The following DAB1 variants were observed in gnomAD, a reference collection of about 807,000 sequenced individuals.
DAB1 encodes DAB adaptor protein 1.
In DAB1, 15 loss-of-function variants were observed where a neutral mutation model predicts 64.6. That is an observed-to-expected ratio of 0.23 (90% CI 0.16 to 0.36). The LOEUF is 0.36. Among genes scored for constraint, DAB1 ranks in the 10% least tolerant of loss-of-function variants. DAB1 has a pLI of 1.00. For missense variants in DAB1, 596 were observed against 706.7 expected (o/e 0.84, Z 1.78); for synonymous variants, 235 against 251.9 (o/e 0.93, Z 0.64).
At chr1:57,924,952 T>G (rs190110404) in intron 5 of DAB1, among the ~76,000 whole-genome samples, 13 of 152,306 alleles carry the variant, frequency 8.5e-5, no homozygotes, top group Admixed American at 2.6e-4. Flanking sequence ...TTAATAGTAT[T>G]TGTATTGGAT....
At chr1:58,003,740 T>G (rs1341933184) in intron 5 of DAB1, among the ~76,000 whole-genome samples, 1 of 152,180 alleles carries the variant, frequency 6.6e-6, no homozygotes, top group Admixed American at 6.5e-5. Flanking sequence ...GTGGGAAATA[T>G]TGTTGGTCAT....
intron 7 of DAB1, among the ~76,000 whole-genome samples, chr1:57,578,937 A>G (rs1248255098): frequency 1.3e-5 from 2 of 152,196 alleles, no homozygotes; most frequent in Admixed American, 6.5e-5. Flanking sequence ...TGAATACATG[A>G]ATAATTTGCT....
chr1:57,562,185 C>T (rs2101508187), intron 7 of DAB1, among the ~76,000 whole-genome samples: 1 of 152,256 alleles, frequency 6.6e-6, no homozygotes, highest in Non-Finnish European at 1.5e-5. Flanking sequence ...CCAGCCTGGC[C>T]AACATGATGA....
upstream of DAB1, among the ~76,000 whole-genome samples, chr1:57,887,057 T>C (rs748524723): frequency 2.0e-5 from 3 of 152,152 alleles, no homozygotes; most frequent in Non-Finnish European, 4.4e-5. Context: ...TCCCTCTGCC[T>C]TTACTGCCTC....
chr1:58,396,610 G>A (rs1481963155), intron 3 of DAB1, among the ~76,000 whole-genome samples: 4 of 152,184 alleles, frequency 2.6e-5, no homozygotes, highest in Admixed American at 6.5e-5. Context: ...CCAGCATGCA[G>A]AGACAAAGAG....
chr1:57,382,008 T>C (rs1681420157), intron 1 of DAB1, among the ~76,000 whole-genome samples: 1 of 152,122 alleles, frequency 6.6e-6, no homozygotes, highest in Non-Finnish European at 1.5e-5. Context: ...GTGGCTTGTT[T>C]GTTTGTATAT....
chr1:58,244,634 C>T (rs1660450721), intron 4 of DAB1, among the ~76,000 whole-genome samples: 2 of 152,152 alleles, frequency 1.3e-5, no homozygotes, highest in Admixed American at 6.5e-5. Context: ...TGAGTTTATA[C>T]CCAAGCTCTG....
chr1:57,800,725 C>A (rs1230547922), intron 6 of DAB1, among the ~76,000 whole-genome samples: 3 of 152,196 alleles, frequency 2.0e-5, no homozygotes, highest in Non-Finnish European at 2.9e-5. Context: ...TTCACCCCCA[C>A]CCCAAATCCC....
chr1:58,334,174 A>G (rs1015493596), intron 4 of DAB1, among the ~76,000 whole-genome samples: 2 of 152,258 alleles, frequency 1.3e-5, no homozygotes, highest in African/African-American at 4.8e-5. Flanking sequence ...GTCATATCCA[A>G]TCAGGAGTTT....
At chr1:57,421,897 G>T (rs1295828854) in intron 1 of DAB1, among the ~76,000 whole-genome samples, 1 of 119,014 alleles carries the variant, frequency 8.4e-6, no homozygotes, top group Non-Finnish European at 1.9e-5. Context: ...AGAGATGGGG[G>T]GTGGCGGGGG....
At chr1:57,857,194 G>A (rs1055500304) in intron 1 of DAB1, among the ~76,000 whole-genome samples, 6 of 152,088 alleles carry the variant, frequency 3.9e-5, no homozygotes, top group Admixed American at 3.3e-4. Context: ...AATAATGTGA[G>A]AGAAACAAAA....
intron 3 of DAB1, among the ~76,000 whole-genome samples, chr1:58,386,131 A>C (rs1644430396): frequency 6.6e-6 from 1 of 152,190 alleles, no homozygotes. Context: ...CAGAGGGCCA[A>C]AGAGTTAGGT....
intron 8 of DAB1, among the ~76,000 whole-genome samples, chr1:57,068,022 C>T (rs1031730508): frequency 3.3e-5 from 5 of 152,184 alleles, no homozygotes; most frequent in Non-Finnish European, 4.4e-5. Flanking sequence ...TAAAGCAGGT[C>T]TTTCCAGTAC....
intron 14 of DAB1, among the ~76,000 whole-genome samples, chr1:57,009,716 C>T (rs1646205577): frequency 6.6e-6 from 1 of 152,170 alleles, no homozygotes; most frequent in Admixed American, 6.5e-5. Flanking sequence ...GAAAATTGAA[C>T]ACGTTTGTCA....
chr1:58,347,390 G>A (rs143976806), intron 3 of DAB1, among the ~76,000 whole-genome samples: 3 of 152,326 alleles, frequency 2.0e-5, no homozygotes, highest in East Asian at 1.9e-4. Flanking sequence ...GCAGGCATGC[G>A]TGACTGCACC....
chr1:57,109,188 G>A (rs1353380891), intron 4 of DAB1, among the ~76,000 whole-genome samples: 1 of 152,172 alleles, frequency 6.6e-6, no homozygotes, highest in Non-Finnish European at 1.5e-5. Flanking sequence ...TACCCAGCAA[G>A]CCCCAGACCT....
intron 1 of DAB1, among the ~76,000 whole-genome samples, chr1:57,395,640 C>A (rs751596861): frequency 2.4e-4 from 36 of 152,168 alleles, no homozygotes; most frequent in Admixed American, 1.0e-3. Flanking sequence ...CTCCTAGTCA[C>A]GTGAAGCTAC....
At chr1:57,100,185 T>C (rs1654538966) in intron 4 of DAB1, among the ~76,000 whole-genome samples, 1 of 152,136 alleles carries the variant, frequency 6.6e-6, no homozygotes, top group Non-Finnish European at 1.5e-5. Flanking sequence ...AAAATGAAGA[T>C]AAAAATAGAA....
intron 3 of DAB1, among the ~76,000 whole-genome samples, chr1:58,471,390 G>C (rs1031918418): frequency 5.9e-5 from 9 of 152,160 alleles, no homozygotes; most frequent in African/African-American, 2.2e-4. Context: ...ATCAGATCTA[G>C]TTACACACCT....
Sources: gnomAD v4.1 joint callset for allele counts (sites outside exome capture counted in the v4.1 genomes callset) on GRCh38, gnomAD v4.1.1 for gene constraint, MANE v1.5 for transcripts, NCBI Gene and HGNC (gene_info 2026-07-23, HGNC 2026-07-21) for gene names.